Variants in IGDCC3 observed in about 807,000 individuals in gnomAD.
IGDCC3 encodes the protein putative neuronal cell adhesion molecule.
A neutral mutation model predicts 72.0 loss-of-function variants in IGDCC3; 47 were observed. The observed-to-expected ratio is 0.65, with a 90% CI of 0.52 to 0.83. The LOEUF is 0.83. IGDCC3 is among the 40% of genes least tolerant of loss of function. The probability of loss-of-function intolerance (pLI) is 0.00; values close to 1 mark genes in which losing one functional copy is unlikely to be tolerated. For synonymous variants in IGDCC3, 477 were observed against 472.8 expected (o/e 1.01, Z -0.11); for missense variants, 1,038 against 1,091.3 (o/e 0.95, Z 0.69).
chr15:65,329,603 G>T lies in IGDCC3; in HGVS notation c.1998-6C>A. ...CATCTTTACACAGGAGGACCCTAAG[G>T]GTTAGCCAAGAGTTGGGGGGAGGGA... On this transcript the variant is annotated splice_region_variant and splice_polypyrimidine_tract_variant and intron_variant, in intron 12 of 13. Coordinates refer to ENST00000327987, the MANE Select transcript of IGDCC3 (RefSeq NM_004884.4). This position sits in a 1 kb window ranked among gnomAD's most constrained non-coding sequence, Gnocchi z 4.1. The T allele has an allele frequency of 1.9e-6, 3 of 1,613,562 alleles. No homozygotes were observed. The highest frequency in any genetic ancestry group is 1.3e-5 in the African/African-American group (1 of 75,020).
At position 65,353,502 on chromosome 15, in the gene IGDCC3, G is replaced by A. The variant is rs373504670; in HGVS notation, c.410-17546C>T. On this transcript the variant is annotated intron_variant, in intron 2 of 13. Coordinates refer to ENST00000327987, the MANE Select transcript of IGDCC3 (RefSeq NM_004884.4). ...CCTGACCTGGTGATCTGCCCGCCTC[G>A]GCCTCCCAAAGTGCTGGGATTACAG... Among the ~76,000 whole-genome samples, 41 of 152,166 alleles carry A rather than the reference G, an allele frequency of 2.7e-4. 1 individual carries two copies. In the East Asian group the frequency reaches 4.4e-3, roughly 16 times the overall value.
intron 2 of IGDCC3, among the ~76,000 whole-genome samples, chr15:65,370,590 ATATATATGTATG>A (rs1567072970): frequency 1.9e-4 from 23 of 123,988 alleles, no homozygotes; most frequent in Non-Finnish European, 2.8e-4. Context: ...ATATGTATGT[ATATATATGTATG>A]TGTATATATA....
intron 2 of IGDCC3, among the ~76,000 whole-genome samples, chr15:65,362,846 A>AT (rs869239198): frequency 0.14 from 12,185 of 85,680 alleles, 1,785 homozygotes; most frequent in Non-Finnish European, 0.2. Context: ...AGGTTTGGGG[A>AT]TTTTTTTTTT....
At chr15:65,350,618 G>T (rs1183833748) in intron 2 of IGDCC3, among the ~76,000 whole-genome samples, 3 of 151,828 alleles carry the variant, frequency 2.0e-5, no homozygotes, top group Non-Finnish European at 4.4e-5. Context: ...CGTGCCACCA[G>T]GCCCGGCTAA....
At chr15:65,358,287 G>T (rs2091238825) in intron 2 of IGDCC3, among the ~76,000 whole-genome samples, 1 of 151,744 alleles carries the variant, frequency 6.6e-6, no homozygotes, top group Non-Finnish European at 1.5e-5. Flanking sequence ...TTGTATTTCG[G>T]TAGAGATGGA....
intron 2 of IGDCC3, among the ~76,000 whole-genome samples, chr15:65,338,325 CT>C (rs2091049455): frequency 6.6e-6 from 1 of 152,186 alleles, no homozygotes; most frequent in Non-Finnish European, 1.5e-5. Flanking sequence ...GTAGCTTTGC[CT>C]TTAAGAGTAA....
chr15:65,363,202 A>T (rs1168321197), intron 2 of IGDCC3, among the ~76,000 whole-genome samples: 1 of 152,122 alleles, frequency 6.6e-6, no homozygotes, highest in Non-Finnish European at 1.5e-5. Flanking sequence ...TTCGCCCCAC[A>T]AAAGCCCACA....
chr15:65,328,745 C>G lies in IGDCC3; in HGVS notation c.*164G>C. Reference sequence around the variant, plus strand: ...CTGATGGGTGTTAGGGCCGGGGGGTCCCTGTCAAGGCTGCCTTGGGTTTTG... The same window carrying G: ...CTGATGGGTGTTAGGGCCGGGGGGTGCCTGTCAAGGCTGCCTTGGGTTTTG... On this transcript the variant is annotated 3_prime_UTR_variant, in exon 14 of 14. Transcript: ENST00000327987. 4 of 797,236 alleles carry G rather than the reference C, an allele frequency of 5.0e-6. No individual in the cohort carries two copies. The South Asian group carries it at 1.1e-4, about 21-fold the overall frequency. 49.4% of individuals were successfully genotyped at this position (797,236 alleles called of 1,614,324 possible).
intron 2 of IGDCC3, among the ~76,000 whole-genome samples, chr15:65,341,695 CAGA>C (rs2091082723): frequency 6.6e-6 from 1 of 152,210 alleles, no homozygotes; most frequent in Non-Finnish European, 1.5e-5. Flanking sequence ...CTTACATCAT[CAGA>C]AGACTTTGAG....
rs1281349251 is a variant in IGDCC3 at position 65,328,869 on chromosome 15, G to A, written c.*40C>T. 2 of 1,501,376 alleles carry A rather than the reference G, an allele frequency of 1.3e-6. No individual in the cohort carries two copies. The highest frequency in any genetic ancestry group is 2.8e-5 in the African/African-American group (2 of 70,346). The allele number at this position is 1,501,376 out of a possible 1,614,324, so 93.0% of individuals were successfully genotyped here. On this transcript the variant is annotated 3_prime_UTR_variant, in exon 14 of 14. Transcript: ENST00000327987. ...AATCTTGCTTTTGACCTGAGAATGG[G>A]CCCCGCTCCGTCCACCCTCTGGAGC...
chr15:65,329,659 C>A lies in IGDCC3; in HGVS notation c.1998-62G>T. On this transcript the variant is annotated intron_variant, in intron 12 of 13. Transcript: ENST00000327987. The surrounding 1 kb of genome is among the most constrained non-coding windows in gnomAD (Gnocchi z 4.1). Reference sequence around the variant, plus strand: ...AAAAGAGACAGAGGCAGTGAGCCCACACTCACCTTCTCTAGGCCTAGTCCC... The same window carrying A: ...AAAAGAGACAGAGGCAGTGAGCCCAAACTCACCTTCTCTAGGCCTAGTCCC... 6.2e-7 allele frequency: 1 copy of A among 1,611,180 alleles called. No individual in the cohort carries two copies. Among genetic ancestry groups the A allele is most frequent in the East Asian group, 2.2e-5 (1 of 44,868 alleles).
intron 2 of IGDCC3, chr15:65,356,372 T>C (rs1443126754): frequency 6.6e-6 from 1 of 151,730 alleles, no homozygotes; most frequent in Non-Finnish European, 1.5e-5. Context: ...AAGAGGGAAA[T>C]GGTCAGAAAG....
rs771769341 is a variant in IGDCC3 at position 65,331,049 on chromosome 15, C to T, written c.1561+1G>A. 8.1e-6 allele frequency: 13 copies of T among 1,613,330 alleles called. No individual in the cohort carries two copies. In the South Asian group the frequency reaches 1.2e-4, roughly 15 times the overall value. ...TTTTGTGCTCCACACCCAGGCCTCA[C>T]CTTCACCCAGGGTGCTAGCTAGGGT... On this transcript the variant is annotated splice_donor_variant, in intron 9 of 13. Coordinates refer to ENST00000327987, the MANE Select transcript of IGDCC3 (RefSeq NM_004884.4). LOFTEE classifies it high-confidence loss of function.
chr15:65,332,003 C>G lies in IGDCC3; in HGVS notation c.1086G>C (p.Thr362=). ...QAQGEPPPHV[T]WLKNGQVLGP... Reference sequence around the variant, plus strand: ...CCAGCACCTGTCCATTTTTCAGCCACGTGACATGAGGCGGTGGCTCACCCT... The same window carrying G: ...CCAGCACCTGTCCATTTTTCAGCCAGGTGACATGAGGCGGTGGCTCACCCT... Residue 362 remains threonine, a synonymous_variant, in exon 7 of 14, where the codon ACG becomes ACC. Coordinates refer to ENST00000327987, the MANE Select transcript of IGDCC3 (RefSeq NM_004884.4). 6.2e-7 allele frequency: 1 copy of G among 1,614,180 alleles called. No individual in the cohort carries two copies. The highest frequency in any genetic ancestry group is 1.1e-5 in the South Asian group (1 of 91,074).
At chr15:65,362,846 ATTTTT>A (rs869239198) in intron 2 of IGDCC3, among the ~76,000 whole-genome samples, 131 of 85,734 alleles carry the variant, frequency 1.5e-3, no homozygotes, top group African/African-American at 5.5e-3. Context: ...AGGTTTGGGG[ATTTTT>A]TTTTTTTTTT....
At chr15:65,370,600 ATGTGTATATATATGTATG>A (rs1360754977) in intron 2 of IGDCC3, among the ~76,000 whole-genome samples, 14 of 102,420 alleles carry the variant, frequency 1.4e-4, no homozygotes, top group South Asian at 6.3e-4. Context: ...ATATATATGT[ATGTGTATATATATGTATG>A]TGTATATATA....
rs562522423 is a variant in IGDCC3 at position 65,377,373 on chromosome 15, C to A, written c.103+313G>T. On this transcript the variant is annotated intron_variant, in intron 1 of 13. Transcript: ENST00000327987. This position sits in a 1 kb window ranked among gnomAD's most constrained non-coding sequence, Gnocchi z 4.9. ...CTTAGCCTTGCGGTCTCCCCTGGCTCGTTTCCCTCGGTCTCCACGCCAGCC... is the reference window on the plus strand; with the variant it reads ...CTTAGCCTTGCGGTCTCCCCTGGCTAGTTTCCCTCGGTCTCCACGCCAGCC... 6.6e-6 allele frequency among the ~76,000 whole-genome samples: 1 copy of A among 152,288 alleles called. No individual in the cohort carries two copies. Among genetic ancestry groups the A allele is most frequent in the South Asian group, 2.1e-4 (1 of 4,822 alleles).
At chr15:65,345,774 A>G (rs1474491778) in intron 2 of IGDCC3, among the ~76,000 whole-genome samples, 1 of 152,178 alleles carries the variant, frequency 6.6e-6, no homozygotes, top group Non-Finnish European at 1.5e-5. Flanking sequence ...TGTTACTTCC[A>G]TCTGTATAAC....
At chr15:65,343,591 T>G (rs747685306) in intron 2 of IGDCC3, among the ~76,000 whole-genome samples, 3 of 152,180 alleles carry the variant, frequency 2.0e-5, no homozygotes, top group Non-Finnish European at 4.4e-5. Context: ...AGCCCTTTAT[T>G]GGCCAGGCTC....
Sources: gnomAD v4.1 joint callset for allele counts (sites outside exome capture counted in the v4.1 genomes callset) on GRCh38, gnomAD v4.1.1 for gene constraint, Gnocchi (gnomAD v3.1) non-coding constraint, MANE v1.5 for transcripts, NCBI Gene and HGNC (gene_info 2026-07-23, HGNC 2026-07-21) for gene names.